AKAP7: variants seen among roughly 807,000 people sequenced by gnomAD.
The protein encoded by AKAP7 is A-kinase anchoring protein 7.
In AKAP7, 39 loss-of-function variants were observed where a neutral mutation model predicts 39.5. The observed-to-expected ratio is 0.99, with a 90% confidence interval of 0.76 to 1.29. The LOEUF is 1.29. Ranked by LOEUF, AKAP7 falls within the 50% of genes most tolerant of loss-of-function variation. The pLI is 0.00. For synonymous variants in AKAP7, 140 were observed against 139.1 expected, an observed-to-expected ratio of 1.01 and a Z score of -0.05; for missense variants, 414 against 407.7, an observed-to-expected ratio of 1.02 and a Z score of -0.13.
intron 3 of AKAP7, 71 bp from the exon 4 acceptor site, chr6:131,165,010 C>A: frequency 1.6e-6 from 2 of 1,251,074 alleles, no homozygotes; most frequent in South Asian, 1.8e-5. Context: ...CTTGATTTTA[C>A]ATTTTACCAT....
At chr6:131,230,240 G>T (rs1562230337) in intron 7 of AKAP7, among the ~76,000 whole-genome samples, 1 of 152,148 alleles carries the variant, frequency 6.6e-6, no homozygotes, top group Non-Finnish European at 1.5e-5. Flanking sequence ...CCTTTTCTCT[G>T]CAGCCTGAGC....
intron 2 of AKAP7, among the ~76,000 whole-genome samples, chr6:131,154,968 C>T (rs538988539): frequency 6.6e-6 from 1 of 152,000 alleles, no homozygotes; most frequent in Admixed American, 6.6e-5. Flanking sequence ...GTAGTTAGAT[C>T]AAGAGGCTTA....
At chr6:131,139,957 T>A (rs1171119665) in intron 1 of AKAP7, among the ~76,000 whole-genome samples, 1 of 152,198 alleles carries the variant, frequency 6.6e-6, no homozygotes, top group African/African-American at 2.4e-5. Context: ...ACTAGGTGCC[T>A]AGAAGATTGG....
At chr6:131,205,163 C>T (rs571261519) in intron 6 of AKAP7, among the ~76,000 whole-genome samples, 4 of 151,922 alleles carry the variant, frequency 2.6e-5, no homozygotes, top group African/African-American at 7.2e-5. Context: ...AGGTATAATG[C>T]GATATTCTGT....
At chr6:131,229,492 G>T (rs984966126) in intron 7 of AKAP7, among the ~76,000 whole-genome samples, 1 of 152,108 alleles carries the variant, frequency 6.6e-6, no homozygotes. Context: ...GGGATTACAG[G>T]TGCCTACCAC....
intron 7 of AKAP7, among the ~76,000 whole-genome samples, chr6:131,266,684 TTTGTTGTTG>T (rs368469383): frequency 6.7e-5 from 10 of 149,104 alleles, no homozygotes; most frequent in African/African-American, 2.4e-4. Context: ...TGCAGGGGTT[TTTGTTGTTG>T]TTGTTGTTGT....
chr6:131,271,090 T>C (rs1472764901), intron 7 of AKAP7, among the ~76,000 whole-genome samples: 2 of 152,132 alleles, frequency 1.3e-5, no homozygotes, highest in Admixed American at 6.6e-5. Flanking sequence ...AATTTACCTC[T>C]TTTTTTTAAA....
rs1290239471 is a variant in AKAP7, at chr6:131,145,427, T to C, written c.151+11T>C. The C allele has an allele frequency of 1.4e-6, 2 of 1,438,510 alleles. No homozygotes were observed. The highest frequency in any genetic ancestry group is 1.8e-6 in the Non-Finnish European group (2 of 1,086,042). 89.1% of individuals were successfully genotyped at this position (1,438,510 alleles called of 1,614,324 possible). On this transcript the variant is annotated intron_variant, in intron 2 of 7. Transcript: ENST00000431975. ...AGGATGACTGTGGAAGTAAGTACTTTATTAAGTAAACGCGTATTTAGAAGC... is the reference window on the plus strand; with the variant it reads ...AGGATGACTGTGGAAGTAAGTACTTCATTAAGTAAACGCGTATTTAGAAGC...
intron 7 of AKAP7, among the ~76,000 whole-genome samples, chr6:131,280,004 C>T (rs538507359): frequency 2.2e-4 from 33 of 152,272 alleles, no homozygotes; most frequent in Non-Finnish European, 4.4e-4. Flanking sequence ...TATATTCATT[C>T]ATTCCTACTG....
At chr6:131,225,307 G>C (rs541996196) in intron 7 of AKAP7, among the ~76,000 whole-genome samples, 1 of 151,968 alleles carries the variant, frequency 6.6e-6, no homozygotes, top group Non-Finnish European at 1.5e-5. Context: ...AGCCCATGTG[G>C]GTTTTGTGGT....
chr6:131,155,879 TG>T (rs1245810587), intron 2 of AKAP7, among the ~76,000 whole-genome samples: 1 of 152,232 alleles, frequency 6.6e-6, no homozygotes, highest in Non-Finnish European at 1.5e-5. Context: ...TCTTCTCATA[TG>T]ACCCTAGGAG....
At chr6:131,146,008 T>C (rs1450979797) in intron 2 of AKAP7, among the ~76,000 whole-genome samples, 1 of 152,164 alleles carries the variant, frequency 6.6e-6, no homozygotes, top group Non-Finnish European at 1.5e-5. Context: ...AATAATGGGA[T>C]AGATAATGCC....
At chr6:131,264,838 C>T (rs547534935) in intron 7 of AKAP7, among the ~76,000 whole-genome samples, 109 of 152,258 alleles carry the variant, frequency 7.2e-4, no homozygotes, top group Middle Eastern at 3.4e-3. Context: ...GGAGCAGGCA[C>T]ATCACATGGC....
At chr6:131,251,353 C>A (rs1040172072) in intron 7 of AKAP7, among the ~76,000 whole-genome samples, 1 of 152,138 alleles carries the variant, frequency 6.6e-6, no homozygotes, top group African/African-American at 2.4e-5. Flanking sequence ...GTTTGCCTTA[C>A]CCTAGTTGCC....
chr6:131,245,327 C>T (rs1164544822), intron 7 of AKAP7, among the ~76,000 whole-genome samples: 3 of 151,218 alleles, frequency 2.0e-5, no homozygotes, highest in Non-Finnish European at 4.4e-5. Flanking sequence ...TCACTGCAAC[C>T]GCCACCTCCC....
At chr6:131,209,512 A>T (rs986560405) in intron 6 of AKAP7, among the ~76,000 whole-genome samples, 7 of 152,118 alleles carry the variant, frequency 4.6e-5, no homozygotes, top group Admixed American at 4.6e-4. Flanking sequence ...GGCCTCCCAA[A>T]GTGCTGGGAT....
chr6:131,181,083 C>T (rs1431884329), intron 5 of AKAP7, among the ~76,000 whole-genome samples: 1 of 151,992 alleles, frequency 6.6e-6, no homozygotes, highest in Non-Finnish European at 1.5e-5. Context: ...TTACAGGCGC[C>T]TGCCACCATG....
intron 7 of AKAP7, chr6:131,250,450 G>T: frequency 6.4e-7 from 1 of 1,565,010 alleles, no homozygotes; most frequent in Non-Finnish European, 8.7e-7. Context: ...CAAGCTGCCT[G>T]TGCTGCTCCG....
chr6:131,153,770 A>G (rs2128233406), intron 2 of AKAP7, among the ~76,000 whole-genome samples: 1 of 152,298 alleles, frequency 6.6e-6, no homozygotes, highest in East Asian at 1.9e-4. Flanking sequence ...TTATCTTCAC[A>G]GTAAAGAATG....
Sources: gnomAD v4.1 joint callset for allele counts (sites outside exome capture counted in the v4.1 genomes callset) on GRCh38, gnomAD v4.1.1 for gene constraint, MANE v1.5 for transcripts, NCBI Gene and HGNC (gene_info 2026-07-23, HGNC 2026-07-21) for gene names.